PRDM16: variants seen among roughly 807,000 people sequenced by gnomAD.
PRDM16 encodes the protein histone-lysine N-methyltransferase PRDM16.
In PRDM16, 23 loss-of-function variants were observed where a neutral mutation model predicts 110.6. The observed-to-expected ratio is 0.21, with a 90% CI of 0.15 to 0.29. PRDM16 has a LOEUF of 0.29. Among genes scored for constraint, PRDM16 ranks in the 10% least tolerant of loss-of-function variants. The probability of loss-of-function intolerance (pLI) is 1.00; values close to 1 mark genes in which losing one functional copy is unlikely to be tolerated. For synonymous variants in PRDM16, 799 were observed against 781.8 expected, an observed-to-expected ratio of 1.02 and a Z score of -0.37; for missense variants, 1,615 against 1,794.3, an observed-to-expected ratio of 0.90 and a Z score of 1.81.
chr1:3,423,670 C>T (rs766244116), intron 12 of PRDM16, among the ~76,000 whole-genome samples: 1 of 152,142 alleles, frequency 6.6e-6, no homozygotes, highest in Non-Finnish European at 1.5e-5. Flanking sequence ...TCTGTGGGAA[C>T]GAAGGCCACT....
At position 3,359,375 on chromosome 1, in the gene PRDM16, C is replaced by T. The variant is rs572146225; in HGVS notation, c.439-25777C>T. On this transcript the variant is annotated intron_variant, in intron 3 of 16. Transcript: ENST00000270722. This position sits in a 1 kb window ranked among gnomAD's most constrained non-coding sequence, Gnocchi z 4.3. ...CTCAGAACTATCAGGGTCTCCCTTC[C>T]GACCAGGGCCTGAGGCAGAGCTTCC... is the stretch of plus-strand genomic sequence containing the variant. Among the ~76,000 whole-genome samples, 84 of 152,314 alleles carry T rather than the reference C, an allele frequency of 5.5e-4. 1 individual carries two copies. Among genetic ancestry groups the T allele is most frequent in the African/African-American group, 1.9e-3 (78 of 41,568 alleles).
chr1:3,109,388 A>G (rs962594971), intron 1 of PRDM16, among the ~76,000 whole-genome samples: 3 of 152,164 alleles, frequency 2.0e-5, no homozygotes, highest in Admixed American at 1.3e-4. Flanking sequence ...AGGCAGCTGC[A>G]TCCTCATCCG....
At chr1:3,198,685 G>A (rs964655301) in intron 2 of PRDM16, among the ~76,000 whole-genome samples, 18 of 152,344 alleles carry the variant, frequency 1.2e-4, no homozygotes, top group Middle Eastern at 3.4e-3. Flanking sequence ...CTGGTCCTCC[G>A]GTCCCGGCTG....
intron 2 of PRDM16, among the ~76,000 whole-genome samples, chr1:3,199,643 A>G (rs944947147): frequency 6.6e-6 from 1 of 152,126 alleles, no homozygotes; most frequent in Non-Finnish European, 1.5e-5. Context: ...AAGCATCCTC[A>G]TCCCATGGGG....
intron 3 of PRDM16, among the ~76,000 whole-genome samples, chr1:3,342,053 C>A (rs932654283): frequency 2.0e-5 from 3 of 152,170 alleles, no homozygotes; most frequent in Non-Finnish European, 2.9e-5. Flanking sequence ...GGTGATCTTC[C>A]CAGCCCAGCC....
intron 3 of PRDM16, among the ~76,000 whole-genome samples, chr1:3,331,216 G>C (rs1642034580): frequency 1.3e-5 from 2 of 152,140 alleles, no homozygotes; most frequent in African/African-American, 4.8e-5. Flanking sequence ...TTGCAGGGGG[G>C]AAGCTGCGCA....
Position 3,276,798 on chromosome 1 carries a change from G to A in PRDM16, c.438+32661G>A, listed in dbSNP as rs773709617. ...GCCTTGTAAATCACCCCTTTGCCCC[G>A]TCTGACATCTCCTGTTGCCTGGGCC... On this transcript the variant is annotated intron_variant, in intron 3 of 16. Transcript: ENST00000270722. 6.9e-5 allele frequency among the ~76,000 whole-genome samples: 10 copies of A among 145,050 alleles called. 1 individual carries two copies. The highest frequency in any genetic ancestry group is 6.3e-4 in the South Asian group (3 of 4,728).
At chr1:3,409,867 G>GTGTGGTGTT (rs1643648464) in intron 8 of PRDM16, among the ~76,000 whole-genome samples, 1 of 145,506 alleles carries the variant, frequency 6.9e-6, no homozygotes, top group Non-Finnish European at 1.5e-5. Flanking sequence ...TGGTGTTTGT[G>GTGTGGTGTT]TGCATGTGTG....
At chr1:3,258,373 T>C (rs1640092604) in intron 3 of PRDM16, among the ~76,000 whole-genome samples, 2 of 152,212 alleles carry the variant, frequency 1.3e-5, no homozygotes, top group Admixed American at 6.5e-5. Flanking sequence ...TACCGTTTTC[T>C]TATTGAGTAA....
chr1:3,284,952 A>G (rs1267945796), intron 3 of PRDM16, among the ~76,000 whole-genome samples: 1 of 152,124 alleles, frequency 6.6e-6, no homozygotes, highest in Non-Finnish European at 1.5e-5. Flanking sequence ...GCCCTGAGTG[A>G]CCTGCTCCCC....
intron 4 of PRDM16, among the ~76,000 whole-genome samples, chr1:3,391,856 G>T (rs1042957678): frequency 6.6e-6 from 1 of 152,248 alleles, no homozygotes; most frequent in Non-Finnish European, 1.5e-5. Flanking sequence ...CACAGGGTAG[G>T]GAGAAAGGAG....
At chr1:3,225,555 T>C (rs1247763951) in intron 2 of PRDM16, among the ~76,000 whole-genome samples, 8 of 148,440 alleles carry the variant, frequency 5.4e-5, no homozygotes, top group Admixed American at 2.0e-4. Flanking sequence ...TGTGTGTGTG[T>C]GTGTGTGTGT....
rs114514949 is a variant in PRDM16 at position 3,277,302 on chromosome 1, G to A, written c.438+33165G>A. Among the ~76,000 whole-genome samples the A allele has an allele frequency of 4.9e-4, 75 of 152,302 alleles. 1 individual carries two copies. The highest frequency in any genetic ancestry group is 1.2e-3 in the Admixed American group (18 of 15,306). Reference sequence around the variant, plus strand: ...TGCTGCGCCACCCGGGGATGGCATCGTCTGTCACACGCTTCACTCTCCCTG... The same window carrying A: ...TGCTGCGCCACCCGGGGATGGCATCATCTGTCACACGCTTCACTCTCCCTG... On this transcript the variant is annotated intron_variant, in intron 3 of 16. Transcript: ENST00000270722.
chr1:3,285,699 C>T (rs937408992), intron 3 of PRDM16, among the ~76,000 whole-genome samples: 5 of 152,234 alleles, frequency 3.3e-5, no homozygotes, highest in African/African-American at 4.8e-5. Context: ...TTTCCTCCCC[C>T]TGGAAATGGC....
In PRDM16 at chr1:3,434,050, A is replaced by G. The variant is rs959667288; in HGVS notation, c.*239A>G. On this transcript the variant is annotated 3_prime_UTR_variant, in exon 17 of 17. Transcript: ENST00000270722. ...TTGAGAACACTGTTCAGTGACGGCC[A>G]TGCAGGTGGCCGTCCAAAGACAGCC... The G allele has an allele frequency of 3.6e-5, 17 of 476,128 alleles. No homozygotes were observed. Among genetic ancestry groups the G allele is most frequent in the Non-Finnish European group, 4.8e-5 (13 of 269,824 alleles). The allele number at this position is 476,128 out of a possible 1,614,324, so 29.5% of individuals were successfully genotyped here.
chr1:3,411,276 G>T (rs1643681274), intron 8 of PRDM16, 108 bp from the exon 9 acceptor site: 2 of 1,198,420 alleles, frequency 1.7e-6, no homozygotes, highest in African/African-American at 1.5e-5. Flanking sequence ...TCCAGCCCCA[G>T]CCTCGCCCCT....
At chr1:3,083,884 G>A (rs1322270487) in intron 1 of PRDM16, among the ~76,000 whole-genome samples, 1 of 152,220 alleles carries the variant, frequency 6.6e-6, no homozygotes, top group Admixed American at 6.5e-5. Context: ...AGCACATGGT[G>A]CCCACACACG....
intron 3 of PRDM16, among the ~76,000 whole-genome samples, chr1:3,260,547 G>A (rs555162331): frequency 2.0e-5 from 3 of 151,692 alleles, no homozygotes; most frequent in Non-Finnish European, 4.4e-5. Context: ...CCTGGCACAT[G>A]CTTGAGACTC....
chr1:3,090,947 C>T (rs1312371112), intron 1 of PRDM16, among the ~76,000 whole-genome samples: 4 of 152,190 alleles, frequency 2.6e-5, no homozygotes, highest in Admixed American at 2.6e-4. Context: ...CTATGGGGAG[C>T]CACGAACGAG....
Sources: gnomAD v4.1 joint callset for allele counts (sites outside exome capture counted in the v4.1 genomes callset) on GRCh38, gnomAD v4.1.1 for gene constraint, Gnocchi (gnomAD v3.1) non-coding constraint, MANE v1.5 for transcripts, NCBI Gene and HGNC (gene_info 2026-07-23, HGNC 2026-07-21) for gene names.